SGPP2: variants seen among roughly 807,000 people sequenced by gnomAD.
SGPP2 encodes the protein sphingosine-1-phosphate phosphatase 2, also known as sphingosine 1-phosphate phosphohydrolase 2.
Under a neutral mutation model 33.9 loss-of-function variants are expected in SGPP2, and 30 were observed. The observed-to-expected ratio is 0.89, with a 90% CI of 0.66 to 1.20. The LOEUF is 1.20. Ranked by LOEUF, SGPP2 falls within the 50% of genes most tolerant of loss-of-function variation. SGPP2 has a pLI of 0.00. For missense variants in SGPP2, 458 were observed against 532.1 expected, an observed-to-expected ratio of 0.86 and a Z score of 1.37; for synonymous variants, 233 against 225.0, an observed-to-expected ratio of 1.04 and a Z score of -0.32.
intron 1 of SGPP2, among the ~76,000 whole-genome samples, chr2:222,436,624 G>A (rs1049241293): frequency 6.6e-6 from 1 of 152,202 alleles, no homozygotes; most frequent in Non-Finnish European, 1.5e-5. Flanking sequence ...AAGTGAATGC[G>A]TTGGTCAGAG....
rs141905335 is a variant in SGPP2 at position 222,560,416 on chromosome 2, T to C, written c.*1518T>C. The C allele has an allele frequency of 3.7e-4, 56 of 152,364 alleles. No homozygotes were observed. The highest frequency in any genetic ancestry group is 1.2e-3 in the African/African-American group (51 of 41,582). The allele number at this position is 152,364 out of a possible 1,614,324, so 9.4% of individuals were successfully genotyped here. ...TTAATGCAAGAACAACTTTAGTGTC[T>C]CTTGGGAAAACAAGCCAACCAAATA... On this transcript the variant is annotated 3_prime_UTR_variant, in exon 5 of 5. Coordinates refer to ENST00000321276, the MANE Select transcript of SGPP2 (RefSeq NM_152386.4).
chr2:222,450,837 A>G (rs1697474823), intron 1 of SGPP2, among the ~76,000 whole-genome samples: 1 of 152,176 alleles, frequency 6.6e-6, no homozygotes, highest in Non-Finnish European at 1.5e-5. Context: ...TGGCTTTCCC[A>G]TGCATCCTAG....
intron 4 of SGPP2, among the ~76,000 whole-genome samples, chr2:222,537,805 G>A (rs185890749): frequency 4.6e-5 from 7 of 152,268 alleles, no homozygotes; most frequent in African/African-American, 1.7e-4. Flanking sequence ...CAACAGTAAG[G>A]ATTTATCCAA....
chr2:222,558,541 G>A lies in SGPP2; in HGVS notation c.843G>A (p.Leu281=), dbSNP rs1161227877. Residue 281 remains leucine, a synonymous_variant, in exon 5 of 5, where the codon CTG becomes CTA. Transcript: ENST00000321276. Reference sequence around the variant, plus strand: ...CCCGGGCGGACACCACCACCATTCTGGCTGCCGGGGCTGGAGTGACCATAG... The same window carrying A: ...CCCGGGCGGACACCACCACCATTCTAGCTGCCGGGGCTGGAGTGACCATAG... ...SPTRADTTTI[L]AAGAGVTIGF... 1 of 1,614,160 alleles carries A rather than the reference G, an allele frequency of 6.2e-7. No individual in the cohort carries two copies. The highest frequency in any genetic ancestry group is 1.1e-5 in the South Asian group (1 of 91,080).
chr2:222,450,648 G>A (rs546056275), intron 1 of SGPP2, among the ~76,000 whole-genome samples: 1 of 152,316 alleles, frequency 6.6e-6, no homozygotes, highest in East Asian at 1.9e-4. Flanking sequence ...ACAAAAACGT[G>A]CATTGAGAGA....
At chr2:222,448,763 G>A (rs1697434019) in intron 1 of SGPP2, among the ~76,000 whole-genome samples, 1 of 152,142 alleles carries the variant, frequency 6.6e-6, no homozygotes, top group Non-Finnish European at 1.5e-5. Flanking sequence ...TTCCCCTGAT[G>A]GCATATTTCT....
chr2:222,516,909 C>G (rs1158230128), intron 2 of SGPP2, among the ~76,000 whole-genome samples: 1 of 152,204 alleles, frequency 6.6e-6, no homozygotes. Flanking sequence ...ATTCTCCTAA[C>G]AAATCTAGGA....
chr2:222,437,496 T>C (rs1697260465), intron 1 of SGPP2, among the ~76,000 whole-genome samples: 1 of 152,098 alleles, frequency 6.6e-6, no homozygotes. Flanking sequence ...CAGCTGATCA[T>C]AGGGAACTCC....
chr2:222,452,585 A>G, intron 1 of SGPP2: 2 of 1,274,468 alleles, frequency 1.6e-6, no homozygotes, highest in Non-Finnish European at 2.3e-6. Flanking sequence ...CTCCACAGTT[A>G]TAGAAGGGAC....
intron 1 of SGPP2, among the ~76,000 whole-genome samples, chr2:222,444,131 C>T (rs905277824): frequency 3.9e-5 from 6 of 152,308 alleles, no homozygotes; most frequent in African/African-American, 1.2e-4. Flanking sequence ...AGAAATTCCT[C>T]TCTTGTTGTA....
chr2:222,448,389 G>A (rs1431856245), intron 1 of SGPP2, among the ~76,000 whole-genome samples: 1 of 152,182 alleles, frequency 6.6e-6, no homozygotes, highest in Non-Finnish European at 1.5e-5. Flanking sequence ...TGTGCAAGCT[G>A]GAGGGATGGT....
At chr2:222,470,462 A>T (rs10932957) in intron 1 of SGPP2, among the ~76,000 whole-genome samples, 58,872 of 151,966 alleles carry the variant, frequency 0.39, 11,412 homozygotes, top group Middle Eastern at 0.46. Context: ...ACCTTTGGTT[A>T]TTCTGTTCCT....
chr2:222,500,394 TG>T (rs1464082704), intron 2 of SGPP2, among the ~76,000 whole-genome samples: 1 of 151,962 alleles, frequency 6.6e-6, no homozygotes, highest in Non-Finnish European at 1.5e-5. Context: ...GAGGAGTAAG[TG>T]GGGGTATTGT....
At chr2:222,437,410 C>T (rs1212621861) in intron 1 of SGPP2, among the ~76,000 whole-genome samples, 3 of 152,238 alleles carry the variant, frequency 2.0e-5, no homozygotes, top group African/African-American at 7.2e-5. Flanking sequence ...AGTGCTGCAG[C>T]TGTCCACTTT....
In SGPP2 at chr2:222,435,167, G is replaced by A. The variant is rs554192056; in HGVS notation, c.219+10346G>A. Among the ~76,000 whole-genome samples the A allele has an allele frequency of 9.2e-5, 14 of 152,132 alleles. No individual in the cohort carries two copies. The East Asian group carries it at 2.3e-3, about 25-fold the overall frequency. On this transcript the variant is annotated intron_variant, in intron 1 of 4. Coordinates refer to ENST00000321276, the MANE Select transcript of SGPP2 (RefSeq NM_152386.4). ...GGCCTTCTGCAGGCTGAGGAACAAG[G>A]AGAGCCAGTCTGAGTTCCAAAACTG...
At chr2:222,457,599 C>T (rs942263104) in intron 1 of SGPP2, among the ~76,000 whole-genome samples, 14 of 152,178 alleles carry the variant, frequency 9.2e-5, no homozygotes, top group Non-Finnish European at 1.0e-4. Flanking sequence ...ACATCTGTGT[C>T]TTCATGTGAC....
chr2:222,501,310 G>A (rs920793151), intron 2 of SGPP2, among the ~76,000 whole-genome samples: 1 of 109,418 alleles, frequency 9.1e-6, no homozygotes, highest in Non-Finnish European at 2.0e-5. Context: ...AATCTCTCCA[G>A]AAATAAATCT....
At chr2:222,495,615 T>G (rs1698267711) in intron 2 of SGPP2, among the ~76,000 whole-genome samples, 1 of 152,140 alleles carries the variant, frequency 6.6e-6, no homozygotes, top group Non-Finnish European at 1.5e-5. Context: ...ATCCTCCCAC[T>G]CTTTTTTGTG....
intron 2 of SGPP2, among the ~76,000 whole-genome samples, chr2:222,492,331 C>G (rs1301884224): frequency 3.3e-5 from 5 of 152,260 alleles, no homozygotes; most frequent in Admixed American, 1.3e-4. Context: ...CATACATCCT[C>G]TAAAATCTAG....
Sources: allele counts gnomAD v4.1 joint callset (sites outside exome capture counted in the v4.1 genomes callset), GRCh38; gene constraint gnomAD v4.1.1; transcripts MANE v1.5; gene names NCBI Gene and HGNC (gene_info 2026-07-23, HGNC 2026-07-21).